Variants in CHD1L observed in about 807,000 individuals in gnomAD.
The protein encoded by CHD1L is ATP-dependent chromatin remodeler CHD1L.
CHD1L carries 118 observed loss-of-function variants against 115.9 expected under a neutral mutation model. That is an observed-to-expected ratio of 1.02 (90% CI 0.88 to 1.19). The LOEUF is 1.19. Ranked by LOEUF, CHD1L falls within the 50% of genes most tolerant of loss-of-function variation. CHD1L has a pLI of 0.00. For synonymous variants in CHD1L, 411 were observed against 387.1 expected (o/e 1.06, Z -0.72); for missense variants, 1,179 against 1,065.3 (o/e 1.11, Z -1.49).
At chr1:147,255,790 T>C (rs1490315738) in intron 3 of CHD1L, 23 bp from the exon 4 acceptor site, 12 of 1,530,424 alleles carry the variant, frequency 7.8e-6, no homozygotes, top group Non-Finnish European at 1.1e-5. Context: ...TTTATGTTTA[T>C]CTACTTCTTT....
At chr1:147,269,523 G>C (rs587609855) in intron 10 of CHD1L, among the ~76,000 whole-genome samples, 1 of 152,154 alleles carries the variant, frequency 6.6e-6, no homozygotes, top group Admixed American at 6.5e-5. Flanking sequence ...GCAAAAATTA[G>C]CCGGGTGTGG....
chr1:147,273,865 T>C (rs1376467417), intron 12 of CHD1L, among the ~76,000 whole-genome samples: 4 of 152,202 alleles, frequency 2.6e-5, no homozygotes, highest in Non-Finnish European at 5.9e-5. Context: ...ACAGGTTTCC[T>C]TCCAAATTTC....
intron 4 of CHD1L, among the ~76,000 whole-genome samples, 167 bp downstream of exon 4, chr1:147,256,094 A>C (rs1441494481): frequency 6.6e-6 from 1 of 152,132 alleles, no homozygotes; most frequent in African/African-American, 2.4e-5. Context: ...GAAGTGAAGG[A>C]TCATTGTGCT....
intron 15 of CHD1L, among the ~76,000 whole-genome samples, chr1:147,283,438 C>T (rs985101089): frequency 6.6e-6 from 1 of 152,304 alleles, no homozygotes; most frequent in African/African-American, 2.4e-5. Flanking sequence ...TCTTACCTAT[C>T]TGTGGTTGCT....
the CHD1L span, among the ~76,000 whole-genome samples, chr1:147,235,872 C>T: frequency 1.9e-3 from 284 of 152,276 alleles, no homozygotes; most frequent in Non-Finnish European, 3.1e-3. Context: ...CTTTGTGAGA[C>T]AGAAACCTCT....
the CHD1L span, chr1:147,208,741 T>G: frequency 1.2e-6 from 1 of 854,148 alleles, no homozygotes; most frequent in Non-Finnish European, 1.9e-6. Context: ...GCCCAGCCAC[T>G]GTGGGTTTTC....
In CHD1L at chr1:147,260,025, G is replaced by C. The variant is rs1671400527; in HGVS notation, c.576+107G>C. The C allele has an allele frequency of 4.7e-6, 4 of 850,582 alleles. No homozygotes were observed. In the East Asian group the frequency reaches 1.1e-4, roughly 23 times the overall value. The allele number at this position is 850,582 out of a possible 1,614,324, so 52.7% of individuals were successfully genotyped here. A position where few individuals can be genotyped will look rare whatever the true frequency, so the allele number is the denominator to read the frequency against. On this transcript the variant is annotated intron_variant, in intron 6 of 22. Coordinates refer to ENST00000369258, the MANE Select transcript of CHD1L (RefSeq NM_004284.6). The stretch of plus-strand genomic sequence containing the variant: ...ACAACAAAATTGAACAGAAACTACA[G>C]ATGTTTCCCATGCATATGTCCCCAC...
the CHD1L span, among the ~76,000 whole-genome samples, chr1:147,192,663 C>T: frequency 6.6e-6 from 1 of 152,038 alleles, no homozygotes; most frequent in Non-Finnish European, 1.5e-5. Flanking sequence ...ATAGGTAGCT[C>T]TTATTATTTT....
At chr1:147,177,607 G>GAT in the CHD1L span, among the ~76,000 whole-genome samples, 4 of 152,174 alleles carry the variant, frequency 2.6e-5, no homozygotes, top group Non-Finnish European at 5.9e-5. Flanking sequence ...GATATGATAT[G>GAT]ATGAGAATAG....
chr1:147,272,530 G>A, intron 12 of CHD1L: 1 of 321,398 alleles, frequency 3.1e-6, no homozygotes, highest in Non-Finnish European at 5.7e-6. Context: ...TTTGACCATT[G>A]ACCTGGGAAT....
chr1:147,284,583 G>T, intron 16 of CHD1L, 84 bp downstream of exon 16: 2 of 1,211,280 alleles, frequency 1.7e-6, no homozygotes, highest in Non-Finnish European at 2.3e-6. Context: ...GCATCGTTTT[G>T]TTCTCTTAGG....
intron 12 of CHD1L, among the ~76,000 whole-genome samples, chr1:147,274,523 T>A (rs72999646): frequency 0.014 from 2,142 of 152,302 alleles, 44 homozygotes; most frequent in African/African-American, 0.049. Context: ...CTTGCTTGTT[T>A]CAGCAACCAG....
At chr1:147,173,764 C>T in the CHD1L span, among the ~76,000 whole-genome samples, 199 of 152,334 alleles carry the variant, frequency 1.3e-3, 1 homozygote, top group Non-Finnish European at 2.5e-4. Flanking sequence ...GCCCCATCCC[C>T]AGGGTTCTGA....
chr1:147,281,312 T>G (rs1680757466), intron 15 of CHD1L, among the ~76,000 whole-genome samples: 1 of 152,208 alleles, frequency 6.6e-6, no homozygotes, highest in East Asian at 1.9e-4. Context: ...GGAACCCTCC[T>G]GCCCTCTCCA....
the CHD1L span, among the ~76,000 whole-genome samples, chr1:147,195,520 G>T: frequency 6.6e-6 from 1 of 152,110 alleles, no homozygotes; most frequent in African/African-American, 2.4e-5. Context: ...AAGAGTAGGG[G>T]TTAAGGCCAA....
chr1:147,266,571 G>A (rs1299919227), intron 8 of CHD1L, among the ~76,000 whole-genome samples: 1 of 152,210 alleles, frequency 6.6e-6, no homozygotes, highest in Non-Finnish European at 1.5e-5. Context: ...CTTTTGTTCT[G>A]CGTATCCACG....
At chr1:147,274,346 ATC>A (rs1677457769) in intron 12 of CHD1L, among the ~76,000 whole-genome samples, 2 of 152,336 alleles carry the variant, frequency 1.3e-5, no homozygotes, top group South Asian at 2.1e-4. Context: ...ATAATTTAGC[ATC>A]TCTCAGTAAT....
chr1:147,207,524 T>A, the CHD1L span, among the ~76,000 whole-genome samples: 2 of 152,220 alleles, frequency 1.3e-5, no homozygotes, highest in African/African-American at 4.8e-5. Context: ...ATCTGTCCTC[T>A]TTCTTCTCAT....
chr1:147,254,989 T>G lies in CHD1L; in HGVS notation c.347+13T>G. ...AAGAAATGCAGAGGTACAGAGTAGATGTAGCTGAAATTTTATTGTTTATCT... is the reference window on the plus strand; with the variant it reads ...AAGAAATGCAGAGGTACAGAGTAGAGGTAGCTGAAATTTTATTGTTTATCT... On this transcript the variant is annotated intron_variant, in intron 3 of 22. Transcript: ENST00000369258. The G allele has an allele frequency of 6.5e-7, 1 of 1,538,046 alleles. No individual in the cohort carries two copies. Among genetic ancestry groups the G allele is most frequent in the Non-Finnish European group, 8.8e-7 (1 of 1,140,524 alleles).
Sources: gnomAD v4.1 joint callset for allele counts (sites outside exome capture counted in the v4.1 genomes callset) on GRCh38, gnomAD v4.1.1 for gene constraint, MANE v1.5 for transcripts, NCBI Gene and HGNC (gene_info 2026-07-23, HGNC 2026-07-21) for gene names.